The following KCNIP4 variants were observed in gnomAD, a reference collection of about 807,000 sequenced individuals.
KCNIP4 encodes the protein Kv channel-interacting protein 4.
Under a neutral mutation model 34.0 loss-of-function variants are expected in KCNIP4, and 12 were observed. The ratio of observed to expected loss-of-function variants is 0.35; its 90% CI spans 0.23 to 0.57. KCNIP4 has a LOEUF of 0.57. KCNIP4 is among the 20% of genes least tolerant of loss of function. The pLI is 0.83. For synonymous variants in KCNIP4, 124 were observed against 102.2 expected (o/e 1.21, Z -1.29); for missense variants, 238 against 311.7 (o/e 0.76, Z 1.78).
chr4:21,669,516 T>C (rs956707285), intron 1 of KCNIP4, among the ~76,000 whole-genome samples: 1 of 152,222 alleles, frequency 6.6e-6, no homozygotes, highest in Non-Finnish European at 1.5e-5. Context: ...CAGTAAGCCT[T>C]TTGGTCAACA....
intron 1 of KCNIP4, among the ~76,000 whole-genome samples, chr4:21,105,441 A>C (rs1463380714): frequency 6.6e-6 from 1 of 151,584 alleles, no homozygotes; most frequent in African/African-American, 2.4e-5. Flanking sequence ...TTTGCACATC[A>C]ATTTTGTATC....
At chr4:21,785,029 TGC>T (rs1434102805) in intron 1 of KCNIP4, among the ~76,000 whole-genome samples, 1 of 152,172 alleles carries the variant, frequency 6.6e-6, no homozygotes, top group African/African-American at 2.4e-5. Flanking sequence ...ACCCATCCCT[TGC>T]AGTCAATAGC....
chr4:20,819,215 A>G (rs1048405871), intron 3 of KCNIP4, among the ~76,000 whole-genome samples: 1 of 151,946 alleles, frequency 6.6e-6, no homozygotes, highest in South Asian at 2.1e-4. Context: ...AAACACTATC[A>G]TTATCTCGTT....
At chr4:20,841,157 T>C (rs1309364373) in intron 3 of KCNIP4, among the ~76,000 whole-genome samples, 1 of 152,202 alleles carries the variant, frequency 6.6e-6, no homozygotes, top group Non-Finnish European at 1.5e-5. Context: ...CACTTCAATT[T>C]TACTCAGTAG....
chr4:20,883,493 A>G (rs1364698052), intron 1 of KCNIP4, among the ~76,000 whole-genome samples: 1 of 152,166 alleles, frequency 6.6e-6, no homozygotes, highest in Admixed American at 6.6e-5. Context: ...ACAACTTTTG[A>G]TGTCAGGAGC....
intron 1 of KCNIP4, among the ~76,000 whole-genome samples, chr4:20,948,937 A>G (rs1732479148): frequency 6.6e-6 from 1 of 152,144 alleles, no homozygotes. Flanking sequence ...ATTTCAAGCC[A>G]TGTGTAAGAA....
chr4:21,291,813 C>G (rs148081131), intron 1 of KCNIP4, among the ~76,000 whole-genome samples: 1 of 143,232 alleles, frequency 7.0e-6, no homozygotes, highest in Non-Finnish European at 1.5e-5. Flanking sequence ...AAGATCGCGC[C>G]GCTGCACTCC....
At chr4:21,445,526 G>A (rs560006421) in intron 1 of KCNIP4, among the ~76,000 whole-genome samples, 1 of 152,156 alleles carries the variant, frequency 6.6e-6, no homozygotes, top group Non-Finnish European at 1.5e-5. Flanking sequence ...AATGGGGAAA[G>A]GATTCCCTAT....
chr4:21,449,748 T>G (rs1728358931), intron 1 of KCNIP4, among the ~76,000 whole-genome samples: 1 of 152,054 alleles, frequency 6.6e-6, no homozygotes, highest in Admixed American at 6.6e-5. Context: ...GTTTTTTCAC[T>G]GCTGTATCCC....
chr4:21,764,601 C>G (rs1255602269), intron 1 of KCNIP4, among the ~76,000 whole-genome samples: 3 of 152,100 alleles, frequency 2.0e-5, no homozygotes, highest in Non-Finnish European at 4.4e-5. Flanking sequence ...ATGCATGTCT[C>G]CCAGAAGACA....
At chr4:21,274,944 C>T (rs1762353091) in intron 1 of KCNIP4, among the ~76,000 whole-genome samples, 1 of 152,072 alleles carries the variant, frequency 6.6e-6, no homozygotes, top group Admixed American at 6.6e-5. Context: ...ATGTGACAAT[C>T]TAGGTCCATA....
At chr4:21,587,170 C>T (rs1249352234) in intron 1 of KCNIP4, among the ~76,000 whole-genome samples, 2 of 151,988 alleles carry the variant, frequency 1.3e-5, no homozygotes, top group Admixed American at 1.3e-4. Flanking sequence ...TTACATCAAG[C>T]CCTGGATTTA....
intron 1 of KCNIP4, among the ~76,000 whole-genome samples, chr4:21,367,481 A>T (rs1719905976): frequency 7.6e-6 from 1 of 130,828 alleles, no homozygotes; most frequent in Middle Eastern, 3.2e-3. Context: ...CTAACTGGAC[A>T]TACTTATTGC....
At chr4:20,996,538 G>A (rs1265840219) in intron 1 of KCNIP4, among the ~76,000 whole-genome samples, 6 of 152,082 alleles carry the variant, frequency 3.9e-5, no homozygotes, top group South Asian at 2.1e-4. Context: ...CCCATGTGAT[G>A]TTCTTTACCC....
intron 1 of KCNIP4, among the ~76,000 whole-genome samples, chr4:21,789,953 C>T (rs763029043): frequency 7.2e-5 from 11 of 152,154 alleles, no homozygotes; most frequent in Non-Finnish European, 1.0e-4. Context: ...AACTGAAGTC[C>T]GGTTTCTTCC....
chr4:21,553,247 C>G (rs552681111), intron 1 of KCNIP4, among the ~76,000 whole-genome samples: 1 of 152,110 alleles, frequency 6.6e-6, no homozygotes, highest in Non-Finnish European at 1.5e-5. Context: ...TGAACCATAG[C>G]AAACTTCAAA....
chr4:20,997,086 GA>G (rs1737619408), intron 1 of KCNIP4, among the ~76,000 whole-genome samples: 2 of 152,108 alleles, frequency 1.3e-5, no homozygotes, highest in African/African-American at 4.8e-5. Context: ...AAACTACGAA[GA>G]CCTGCAAATA....
chr4:21,748,006 G>A (rs558377692), intron 1 of KCNIP4, among the ~76,000 whole-genome samples: 2 of 152,236 alleles, frequency 1.3e-5, no homozygotes, highest in African/African-American at 4.8e-5. Flanking sequence ...GGAAGAGGAA[G>A]GAAAGATTCT....
intron 1 of KCNIP4, among the ~76,000 whole-genome samples, chr4:21,826,850 A>T (rs1382539809): frequency 6.6e-6 from 1 of 152,078 alleles, no homozygotes; most frequent in Non-Finnish European, 1.5e-5. Context: ...TTAGCTGAAA[A>T]GGGTTGAAAA....
Sources: gnomAD v4.1 joint callset for allele counts (sites outside exome capture counted in the v4.1 genomes callset) on GRCh38, gnomAD v4.1.1 for gene constraint, MANE v1.5 for transcripts, NCBI Gene and HGNC (gene_info 2026-07-23, HGNC 2026-07-21) for gene names.